The following FRMPD3 variants were observed in gnomAD, a reference collection of about 807,000 sequenced individuals.
The protein encoded by FRMPD3 is FERM and PDZ domain-containing protein 3.
Under a neutral mutation model 97.9 loss-of-function variants are expected in FRMPD3, and 42 were observed. The ratio of observed to expected loss-of-function variants is 0.43; its 90% confidence interval spans 0.34 to 0.55. The LOEUF (loss-of-function observed/expected upper bound fraction) is 0.55. Among genes scored for constraint, FRMPD3 ranks in the 20% least tolerant of loss-of-function variants. The probability of loss-of-function intolerance (pLI) is 0.03; values close to 1 mark genes in which losing one functional copy is unlikely to be tolerated. For missense variants in FRMPD3, 1,303 were observed against 1,457.7 expected (o/e 0.89, Z 1.73); for synonymous variants, 577 against 581.1 (o/e 0.99, Z 0.10).
chrX:107,546,594 T>C (rs1921613657), intron 5 of FRMPD3, among the ~76,000 whole-genome samples: 1 of 112,257 alleles, frequency 8.9e-6, no homozygotes, highest in South Asian at 3.7e-4. Flanking sequence ...AACTGTCGGC[T>C]CCAGATGTGC....
intron 4 of FRMPD3, among the ~76,000 whole-genome samples, chrX:107,538,694 T>C (rs1048293847): frequency 3.6e-5 from 4 of 111,404 alleles, no homozygotes; most frequent in Admixed American, 9.5e-5. Context: ...AGAGTCTCAC[T>C]CTATTATCCA....
intron 13 of FRMPD3, among the ~76,000 whole-genome samples, chrX:107,591,996 C>T (rs1307378804): frequency 9.0e-6 from 1 of 111,208 alleles, no homozygotes; most frequent in Admixed American, 9.6e-5. Flanking sequence ...TGGATAAGTT[C>T]TTCAGAGGTG....
In FRMPD3 at chrX:107,502,687, C is replaced by CA. The variant is rs552436338; in HGVS notation, c.-7-23887dup. 5.3e-4 allele frequency among the ~76,000 whole-genome samples: 59 copies of CA among 111,372 alleles called. No individual in the cohort carries two copies. In the East Asian group the frequency reaches 0.012, roughly 23 times the overall value. ...ACAACAACAACGAAAGGATCCCCACCAAAAAAAAGCCCTTGACAAATCTTC... is the reference window on the plus strand; with the variant it reads ...ACAACAACAACGAAAGGATCCCCACCAAAAAAAAAGCCCTTGACAAATCTTC... On this transcript the variant is annotated intron_variant, in intron 1 of 14. Coordinates refer to ENST00000683843, the MANE Select transcript of FRMPD3 (RefSeq NM_001388459.1).
In FRMPD3 at chrX:107,602,675, G is replaced by C. The variant is rs1399042173; in HGVS notation, c.4636G>C (p.Asp1546His). The C allele has an allele frequency of 4.1e-6, 5 of 1,208,865 alleles. No individual in the cohort carries two copies. Among genetic ancestry groups the C allele is most frequent in the Non-Finnish European group, 5.6e-6 (5 of 895,303 alleles). The change falls in exon 15 of 15, where the codon GAT (aspartate) becomes CAT (histidine). Residue 1546 changes from aspartate (D) to histidine (H), a missense_variant. By Grantham distance (81) the Asp-to-His change is moderately conservative. This residue lies in a region of FRMPD3 where 764 missense variants were observed against 820.2 expected (regional missense o/e 0.93). Coordinates refer to ENST00000683843, the MANE Select transcript of FRMPD3 (RefSeq NM_001388459.1). ...GGTGAGCAGGACCCTGCAGGTGCTG[G>C]ATGCTGCTACCTGCAGCAGCAGCAG... ...PVVSRTLQVL[D>H]AATCSSSSPE...
At chrX:107,598,826 G>A (rs1924338554) in intron 14 of FRMPD3, among the ~76,000 whole-genome samples, 1 of 112,572 alleles carries the variant, frequency 8.9e-6, no homozygotes, top group African/African-American at 3.2e-5. Flanking sequence ...GTAAGTGGTA[G>A]CTATTGTAAC....
chrX:107,519,424 G>A (rs1226334134), intron 1 of FRMPD3, among the ~76,000 whole-genome samples: 1 of 111,903 alleles, frequency 8.9e-6, no homozygotes, highest in East Asian at 2.8e-4. Flanking sequence ...AGCCTGGGAG[G>A]TCAAGGCTGC....
At chrX:107,467,028 G>C (rs901018647) in intron 1 of FRMPD3, among the ~76,000 whole-genome samples, 14 of 109,651 alleles carry the variant, frequency 1.3e-4, no homozygotes, top group African/African-American at 4.7e-4. Context: ...GTGTGTGAGA[G>C]AGAGAGAGAG....
intron 1 of FRMPD3, among the ~76,000 whole-genome samples, chrX:107,498,742 G>A (rs1203794706): frequency 8.9e-6 from 1 of 111,848 alleles, no homozygotes; most frequent in Non-Finnish European, 1.9e-5. Context: ...AATGAGGAGC[G>A]CATGGATCCA....
chrX:107,514,498 G>A (rs946218588), intron 1 of FRMPD3, among the ~76,000 whole-genome samples: 4 of 108,819 alleles, frequency 3.7e-5, no homozygotes, highest in Admixed American at 2.9e-4. Flanking sequence ...GTCGGATCCC[G>A]GATGAGCTTT....
chrX:107,540,311 G>A (rs1483273593), intron 4 of FRMPD3, among the ~76,000 whole-genome samples: 1 of 111,986 alleles, frequency 8.9e-6, no homozygotes, highest in Non-Finnish European at 1.9e-5. Flanking sequence ...GTCAAAGGCA[G>A]TGTAGCCAGA....
intron 1 of FRMPD3, among the ~76,000 whole-genome samples, chrX:107,489,155 G>A (rs1210140445): frequency 9.1e-6 from 1 of 109,562 alleles, no homozygotes; most frequent in Non-Finnish European, 1.9e-5. Flanking sequence ...TCCCTACAAA[G>A]GACGTGAACT....
At chrX:107,535,153 T>A (rs926247717) in intron 4 of FRMPD3, among the ~76,000 whole-genome samples, 1 of 112,707 alleles carries the variant, frequency 8.9e-6, no homozygotes, top group Non-Finnish European at 1.9e-5. Flanking sequence ...TAGTCAGTTC[T>A]TCTCAAATCT....
At chrX:107,490,723 CTT>C (rs1352462869) in intron 1 of FRMPD3, among the ~76,000 whole-genome samples, 2 of 111,978 alleles carry the variant, frequency 1.8e-5, no homozygotes, top group Non-Finnish European at 3.8e-5. Context: ...AGGTGGGTTT[CTT>C]TTTGTGGGCC....
intron 1 of FRMPD3, among the ~76,000 whole-genome samples, chrX:107,461,833 GTGTC>G (rs1303453658): frequency 1.9e-5 from 2 of 105,391 alleles, no homozygotes; most frequent in African/African-American, 7.0e-5. Flanking sequence ...GTGTGTCTGT[GTGTC>G]TGTCTGTGTG....
At chrX:107,466,134 A>G (rs1281398330) in intron 1 of FRMPD3, among the ~76,000 whole-genome samples, 1 of 112,613 alleles carries the variant, frequency 8.9e-6, no homozygotes, top group Non-Finnish European at 1.9e-5. Context: ...TTCAGCCATG[A>G]CCACCATTTC....
At chrX:107,545,506 G>T (rs1259440675) in intron 4 of FRMPD3, 8 of 341,379 alleles carry the variant, frequency 2.3e-5, no homozygotes, top group South Asian at 6.2e-5. Flanking sequence ...TTAATAATGG[G>T]GTTCAATCTA....
intron 6 of FRMPD3, among the ~76,000 whole-genome samples, chrX:107,550,995 C>T (rs1413370979): frequency 8.9e-6 from 1 of 111,967 alleles, no homozygotes; most frequent in African/African-American, 3.2e-5. Flanking sequence ...AACTCTTGGA[C>T]CAACAAACGT....
At chrX:107,556,922 A>G (rs183086528) in intron 8 of FRMPD3, among the ~76,000 whole-genome samples, 86 of 112,364 alleles carry the variant, frequency 7.7e-4, no homozygotes, top group Non-Finnish European at 1.5e-3. Context: ...TAAAGCTTCT[A>G]TGAACTTTCA....
In FRMPD3 at chrX:107,602,762, G is replaced by A. The variant is rs1924599616; in HGVS notation, c.4723G>A (p.Ala1575Thr). Residue 1575 changes from alanine (A) to threonine (T), a missense_variant, in exon 15 of 15, where the codon GCC (alanine) becomes ACC (threonine). This residue lies in a region of FRMPD3 where 764 missense variants were observed against 820.2 expected (regional missense o/e 0.93). Transcript: ENST00000683843. ...TGTGTCCACCTTCGAGGGGAGCCTG[G>A]CCAAGATCAATGCCCTGCGGGCCCA... is the stretch of plus-strand genomic sequence containing the variant. ...LRVSTFEGSL[A>T]KINALRAHAY... 2 of 1,208,747 alleles carry A rather than the reference G, an allele frequency of 1.7e-6. No homozygotes were observed. Among genetic ancestry groups the A allele is most frequent in the Non-Finnish European group, 2.2e-6 (2 of 894,903 alleles).
Sources: gnomAD v4.1 joint callset for allele counts (sites outside exome capture counted in the v4.1 genomes callset) on GRCh38, gnomAD v4.1.1 for gene constraint, gnomAD v4.1.1 regional missense constraint, MANE v1.5 for transcripts, NCBI Gene and HGNC (gene_info 2026-07-23, HGNC 2026-07-21) for gene names.